ANKRD30B: variants seen among roughly 807,000 people sequenced by gnomAD.
The protein encoded by ANKRD30B is ankyrin repeat domain-containing protein 30B.
In ANKRD30B, 144 loss-of-function variants were observed where a neutral mutation model predicts 202.2. The ratio of observed to expected loss-of-function variants is 0.71; its 90% CI spans 0.62 to 0.82. The LOEUF is 0.82. Among genes scored for constraint, ANKRD30B ranks in the 40% least tolerant of loss-of-function variants. ANKRD30B has a pLI of 0.00. For missense variants in ANKRD30B, 1,487 were observed against 1,669.1 expected (o/e 0.89, Z 1.90); for synonymous variants, 508 against 561.3 (o/e 0.91, Z 1.34).
chr18:14,816,910 A>G (rs1970140529), intron 30 of ANKRD30B: 2 of 152,174 alleles, frequency 1.3e-5, no homozygotes, highest in African/African-American at 2.4e-5. Context: ...TGAATTGAAC[A>G]ATGAGAACAC....
chr18:14,835,290 TC>T (rs1488837616), intron 34 of ANKRD30B, among the ~76,000 whole-genome samples: 1 of 151,614 alleles, frequency 6.6e-6, no homozygotes, highest in Non-Finnish European at 1.5e-5. Flanking sequence ...TATACACACA[TC>T]AAATGAATGT....
chr18:14,851,040 A>G (rs1241330023), intron 41 of ANKRD30B, among the ~76,000 whole-genome samples: 2 of 151,970 alleles, frequency 1.3e-5, no homozygotes, highest in Non-Finnish European at 2.9e-5. Flanking sequence ...AACACAGAAT[A>G]TCTAGAGAAT....
intron 6 of ANKRD30B, among the ~76,000 whole-genome samples, chr18:14,761,574 G>A (rs1915265234): frequency 6.6e-6 from 1 of 152,192 alleles, no homozygotes; most frequent in African/African-American, 2.4e-5. Context: ...ACTGCTTTCA[G>A]CCATAACCCT....
chr18:14,916,465 A>T, the ANKRD30B span, among the ~76,000 whole-genome samples: 1 of 151,574 alleles, frequency 6.6e-6, no homozygotes, highest in Non-Finnish European at 1.5e-5. Context: ...AGTCACTCAA[A>T]TGGAGGGAGA....
chr18:14,902,692 A>G, the ANKRD30B span, among the ~76,000 whole-genome samples: 4 of 152,100 alleles, frequency 2.6e-5, no homozygotes, highest in South Asian at 2.1e-4. Flanking sequence ...CCGTGAGACA[A>G]TGATCCCAGG....
chr18:14,863,358 T>G, the ANKRD30B span, among the ~76,000 whole-genome samples: 28 of 152,164 alleles, frequency 1.8e-4, no homozygotes, highest in Non-Finnish European at 3.7e-4. Context: ...TTGTGTCACA[T>G]GAGAGCTGGT....
intron 7 of ANKRD30B, 94 bp downstream of exon 7, chr18:14,764,184 A>G (rs1185947584): frequency 1.5e-6 from 2 of 1,301,914 alleles, no homozygotes; most frequent in African/African-American, 3.0e-5. Flanking sequence ...AATGTCTTGA[A>G]TATCTAAATA....
rs1316943129 is a variant in ANKRD30B at position 14,748,488 on chromosome 18, A to G, written c.69A>G (p.Glu23=). Residue 23 remains glutamate, a synonymous_variant, in exon 1 of 44, where the codon GAA becomes GAG. Coordinates refer to ENST00000690538, the MANE Select transcript of ANKRD30B (RefSeq NM_001367607.2). Reference sequence around the variant, plus strand: ...CGGAGCCCCCGAACCCCTTCAGCGAACGGGTCTACACTGAGAAGGACTACG... The same window carrying G: ...CGGAGCCCCCGAACCCCTTCAGCGAGCGGGTCTACACTGAGAAGGACTACG... ...RGPEPPNPFS[E]RVYTEKDYGT... 1 of 1,547,364 alleles carries G rather than the reference A, an allele frequency of 6.5e-7. No individual in the cohort carries two copies. The highest frequency in any genetic ancestry group is 8.7e-7 in the Non-Finnish European group (1 of 1,144,662).
In ANKRD30B at chr18:14,809,868, G is replaced by C. The variant is rs555201638; in HGVS notation, c.2387-118G>C. On this transcript the variant is annotated intron_variant, in intron 26 of 43. Transcript: ENST00000690538. ...ATAACCCAAAAGACCCCAAAACCTAGTGTAATCCCTTTTCAATCCAAGCAT... is the reference window on the plus strand; with the variant it reads ...ATAACCCAAAAGACCCCAAAACCTACTGTAATCCCTTTTCAATCCAAGCAT... 31 of 1,019,534 alleles carry C rather than the reference G, an allele frequency of 3.0e-5. No homozygotes were observed. The East Asian group carries it at 7.5e-4, about 25-fold the overall frequency. 63.2% of individuals were successfully genotyped at this position (1,019,534 alleles called of 1,614,324 possible).
chr18:14,808,350 T>C, intron 24 of ANKRD30B: 1 of 617,402 alleles, frequency 1.6e-6, no homozygotes, highest in South Asian at 1.6e-5. Context: ...TTTGATGAAA[T>C]TTATTTTTTA....
At chr18:14,811,392 T>C (rs1431184439) in intron 28 of ANKRD30B, among the ~76,000 whole-genome samples, 1 of 150,880 alleles carries the variant, frequency 6.6e-6, no homozygotes, top group African/African-American at 2.4e-5. Flanking sequence ...TTTGTATTTT[T>C]AGTAGAAACG....
the ANKRD30B span, among the ~76,000 whole-genome samples, chr18:14,904,580 A>G: frequency 6.6e-5 from 10 of 151,366 alleles, no homozygotes; most frequent in African/African-American, 2.4e-4. Flanking sequence ...TGATTTCCTC[A>G]TTCTCCCTCA....
chr18:14,766,374 G>A (rs1313003841), intron 7 of ANKRD30B, among the ~76,000 whole-genome samples: 1 of 148,746 alleles, frequency 6.7e-6, no homozygotes, highest in East Asian at 2.1e-4. Context: ...TCAGGAGGCT[G>A]AGGCAGGAGA....
the ANKRD30B span, among the ~76,000 whole-genome samples, chr18:14,860,395 G>A: frequency 3.8e-4 from 43 of 112,608 alleles, no homozygotes; most frequent in Non-Finnish European, 4.8e-4. Flanking sequence ...GGGTGGCCGG[G>A]CAGAGGCGCT....
At chr18:14,760,254 G>C (rs891073865) in intron 5 of ANKRD30B, among the ~76,000 whole-genome samples, 2 of 152,124 alleles carry the variant, frequency 1.3e-5, no homozygotes, top group Non-Finnish European at 2.9e-5. Flanking sequence ...AATACCTGTT[G>C]GTAACTGCGC....
At chr18:14,905,296 T>C in the ANKRD30B span, 1 of 152,242 alleles carries the variant, frequency 6.6e-6, no homozygotes, top group African/African-American at 2.4e-5. Context: ...CCTGAATTCT[T>C]TCTTGCACAA....
chr18:14,752,939 C>T lies in ANKRD30B; in HGVS notation c.437C>T (p.Ala146Val). The change falls in exon 3 of 44, where the codon GCC becomes GTC. Residue 146 changes from alanine to valine, a missense_variant. This residue lies in a region of ANKRD30B where 889 missense variants were observed against 841.4 expected (regional missense o/e 1.06). Transcript: ENST00000690538. ...DVYGNTALHY[A>V]VYSENLLMVA... ...TATGGCAACACGGCTCTCCATTATG[C>T]CGTTTATAGTGAGAATTTGTTAATG... The T allele has an allele frequency of 1.2e-6, 2 of 1,603,012 alleles. No homozygotes were observed. The highest frequency in any genetic ancestry group is 1.1e-5 in the South Asian group (1 of 89,690).
Position 14,854,559 on chromosome 18 carries a change from A to G in ANKRD30B, c.*401A>G, listed in dbSNP as rs974103800. Among the ~76,000 whole-genome samples the G allele has an allele frequency of 2.0e-5, 3 of 152,238 alleles. No homozygotes were observed. The highest frequency in any genetic ancestry group is 7.2e-5 in the African/African-American group (3 of 41,464). On this transcript the variant is annotated 3_prime_UTR_variant, in exon 44 of 44. Coordinates refer to ENST00000690538, the MANE Select transcript of ANKRD30B (RefSeq NM_001367607.2). ...CTGTAGGAATGTCACAATGGACTGCAGAGTGTCATACATAGTTTTCAGTAA... is the reference window on the plus strand; with the variant it reads ...CTGTAGGAATGTCACAATGGACTGCGGAGTGTCATACATAGTTTTCAGTAA...
At chr18:14,940,886 G>T in the ANKRD30B span, among the ~76,000 whole-genome samples, 3 of 152,126 alleles carry the variant, frequency 2.0e-5, no homozygotes, top group African/African-American at 7.2e-5. Context: ...GCTAAATCCG[G>T]TGCTTCTGAC....
Sources: gnomAD v4.1 joint callset for allele counts (sites outside exome capture counted in the v4.1 genomes callset) on GRCh38, gnomAD v4.1.1 for gene constraint, gnomAD v4.1.1 regional missense constraint, MANE v1.5 for transcripts, NCBI Gene and HGNC (gene_info 2026-07-23, HGNC 2026-07-21) for gene names.